Variants in BMPR1B observed in about 807,000 individuals in gnomAD.
BMPR1B encodes the protein bone morphogenetic protein receptor type-1B.
A neutral mutation model predicts 59.1 loss-of-function variants in BMPR1B; 12 were observed. That is an observed-to-expected ratio of 0.20 (90% CI 0.13 to 0.33). The LOEUF (loss-of-function observed/expected upper bound fraction) is 0.33, where lower values mean the gene tolerates loss of function less well. Among genes scored for constraint, BMPR1B ranks in the 10% least tolerant of loss-of-function variants. BMPR1B has a pLI of 1.00. For synonymous variants in BMPR1B, 237 were observed against 207.3 expected, an observed-to-expected ratio of 1.14 and a Z score of -1.23; for missense variants, 550 against 610.9, an observed-to-expected ratio of 0.90 and a Z score of 1.05.
chr4:95,078,306 G>A (rs1002727667), intron 3 of BMPR1B, among the ~76,000 whole-genome samples: 4 of 152,128 alleles, frequency 2.6e-5, no homozygotes, highest in African/African-American at 9.7e-5. Context: ...TTTTAAATTG[G>A]TTCTAAATTC....
At chr4:94,836,700 T>C (rs1578699470) in intron 1 of BMPR1B, among the ~76,000 whole-genome samples, 1 of 147,110 alleles carries the variant, frequency 6.8e-6, no homozygotes. Flanking sequence ...TTCTCCCATT[T>C]TGTAGGTTGC....
intron 2 of BMPR1B, among the ~76,000 whole-genome samples, chr4:94,967,910 T>A (rs1403132879): frequency 6.6e-6 from 1 of 152,126 alleles, no homozygotes; most frequent in Non-Finnish European, 1.5e-5. Context: ...ATAAATAATA[T>A]CCAGAAAGTT....
intron 3 of BMPR1B, among the ~76,000 whole-genome samples, chr4:95,028,423 C>T (rs892267780): frequency 6.6e-6 from 1 of 152,072 alleles, no homozygotes; most frequent in Admixed American, 6.6e-5. Context: ...GTTCATTATA[C>T]TACCAAGACT....
At chr4:95,079,157 A>G (rs911944476) in intron 3 of BMPR1B, among the ~76,000 whole-genome samples, 8 of 152,248 alleles carry the variant, frequency 5.3e-5, no homozygotes, top group Non-Finnish European at 1.5e-5. Flanking sequence ...TCAATTTTAG[A>G]AAGCAGAGAT....
intron 10 of BMPR1B, among the ~76,000 whole-genome samples, chr4:95,147,178 C>T (rs552734004): frequency 1.3e-5 from 2 of 152,142 alleles, no homozygotes; most frequent in Admixed American, 6.5e-5. Context: ...ACACTGATGA[C>T]ATATCTGTTG....
chr4:94,865,119 C>A (rs180739950), intron 1 of BMPR1B, among the ~76,000 whole-genome samples: 3 of 151,788 alleles, frequency 2.0e-5, no homozygotes, highest in Non-Finnish European at 4.4e-5. Flanking sequence ...AAGCAATTCT[C>A]CTGCCTCAGC....
At chr4:95,034,597 A>C (rs1202674666) in intron 3 of BMPR1B, among the ~76,000 whole-genome samples, 1 of 151,964 alleles carries the variant, frequency 6.6e-6, no homozygotes, top group Non-Finnish European at 1.5e-5. Context: ...GATTACTGTG[A>C]ATGCCATTGT....
At chr4:95,035,388 A>G (rs1385736081) in intron 3 of BMPR1B, among the ~76,000 whole-genome samples, 1 of 151,952 alleles carries the variant, frequency 6.6e-6, no homozygotes, top group Non-Finnish European at 1.5e-5. Context: ...CCAATGTTAT[A>G]TTCTAGAATT....
chr4:94,828,133 T>G lies in BMPR1B; in HGVS notation c.-182-47698T>G, dbSNP rs533628609. ...GAACAAATAAAGGTGAATTTGTGGC[T>G]TTCATTAATTCAAATTTAAAATAGT... On this transcript the variant is annotated intron_variant, in intron 1 of 12. Coordinates refer to ENST00000515059, the MANE Select transcript of BMPR1B (RefSeq NM_001203.3). Among the ~76,000 whole-genome samples, 21 of 152,340 alleles carry G rather than the reference T, an allele frequency of 1.4e-4. No homozygotes were observed. The South Asian group carries it at 4.1e-3, about 30-fold the overall frequency.
rs888119148 is a variant in BMPR1B at position 95,039,706 on chromosome 4, T to C, written c.-18+43572T>C. ...CCTGTGCACCACATGCAGCCCATGC[T>C]TGGCCATGAGGCTCAACACAAATTT... On this transcript the variant is annotated intron_variant, in intron 3 of 12. Transcript: ENST00000515059. 2.6e-5 allele frequency among the ~76,000 whole-genome samples: 4 copies of C among 152,222 alleles called. No homozygotes were observed. The South Asian group carries it at 8.3e-4, about 32-fold the overall frequency.
chr4:95,030,682 C>G (rs1390611591), intron 3 of BMPR1B, among the ~76,000 whole-genome samples: 1 of 152,088 alleles, frequency 6.6e-6, no homozygotes, highest in Non-Finnish European at 1.5e-5. Flanking sequence ...TCTCCAGATA[C>G]AAAATCAATG....
intron 1 of BMPR1B, among the ~76,000 whole-genome samples, chr4:94,832,987 G>A (rs140043635): frequency 6.6e-6 from 1 of 151,840 alleles, no homozygotes; most frequent in African/African-American, 2.4e-5. Context: ...TCAGGAGTTC[G>A]AGACCAGCCT....
intron 2 of BMPR1B, among the ~76,000 whole-genome samples, chr4:94,880,480 T>C (rs1170047480): frequency 1.3e-5 from 2 of 151,710 alleles, no homozygotes; most frequent in African/African-American, 4.8e-5. Context: ...CACCACCACC[T>C]TGGAGTAATT....
intron 1 of BMPR1B, among the ~76,000 whole-genome samples, chr4:94,820,189 G>T (rs1272866263): frequency 3.3e-5 from 5 of 152,274 alleles, no homozygotes; most frequent in Non-Finnish European, 7.4e-5. Flanking sequence ...AAGAGAGAAA[G>T]AATTTTCTAG....
chr4:95,037,309 C>T (rs1352101286), intron 3 of BMPR1B, among the ~76,000 whole-genome samples: 1 of 152,100 alleles, frequency 6.6e-6, no homozygotes, highest in Non-Finnish European at 1.5e-5. Flanking sequence ...TTTAGATTTG[C>T]ATTGCCAGAG....
intron 3 of BMPR1B, among the ~76,000 whole-genome samples, chr4:95,015,002 C>A (rs1723488733): frequency 6.6e-6 from 1 of 152,082 alleles, no homozygotes; most frequent in African/African-American, 2.4e-5. Context: ...GGTCCATGGA[C>A]CCTTGGGAGG....
intron 1 of BMPR1B, among the ~76,000 whole-genome samples, chr4:94,827,293 T>C (rs1724417737): frequency 6.6e-6 from 1 of 152,224 alleles, no homozygotes; most frequent in South Asian, 2.1e-4. Flanking sequence ...TGAAAATCTC[T>C]TTAATAAATA....
chr4:94,795,742 G>A (rs1314269171), intron 1 of BMPR1B, among the ~76,000 whole-genome samples: 1 of 152,126 alleles, frequency 6.6e-6, no homozygotes, highest in Admixed American at 6.5e-5. Context: ...GGGATTACAG[G>A]TGTGAGCCAC....
intron 3 of BMPR1B, among the ~76,000 whole-genome samples, chr4:95,070,689 A>G (rs1728214317): frequency 6.6e-6 from 1 of 152,200 alleles, no homozygotes; most frequent in Non-Finnish European, 1.5e-5. Context: ...AGGAGGACCC[A>G]TATGTAACTC....
Sources: gnomAD v4.1 joint callset for allele counts (sites outside exome capture counted in the v4.1 genomes callset) on GRCh38, gnomAD v4.1.1 for gene constraint, MANE v1.5 for transcripts, NCBI Gene and HGNC (gene_info 2026-07-23, HGNC 2026-07-21) for gene names.